GPC5: variants seen among roughly 807,000 people sequenced by gnomAD.
GPC5 encodes the protein glypican 5.
In GPC5, 47 loss-of-function variants were observed where a neutral mutation model predicts 53.9. That is an observed-to-expected ratio of 0.87 (90% CI 0.69 to 1.11). The LOEUF is 1.11. GPC5 is among the 50% of genes most tolerant of loss of function. GPC5 has a pLI of 0.00. For synonymous variants in GPC5, 286 were observed against 263.3 expected, an observed-to-expected ratio of 1.09 and a Z score of -0.84; for missense variants, 748 against 713.1, an observed-to-expected ratio of 1.05 and a Z score of -0.56.
chr13:92,580,873 G>T (rs1883347276), intron 7 of GPC5, among the ~76,000 whole-genome samples: 1 of 152,164 alleles, frequency 6.6e-6, no homozygotes. Flanking sequence ...CATGTGATAT[G>T]AGTGAGGACA....
chr13:92,444,632 C>T (rs1447619031), intron 7 of GPC5, among the ~76,000 whole-genome samples: 4 of 141,476 alleles, frequency 2.8e-5, no homozygotes, highest in African/African-American at 5.3e-5. Context: ...GTATTGCATA[C>T]GGAAAACCTA....
chr13:92,451,781 C>T (rs1878069768), intron 7 of GPC5, among the ~76,000 whole-genome samples: 1 of 152,122 alleles, frequency 6.6e-6, no homozygotes, highest in South Asian at 2.1e-4. Flanking sequence ...AGAATTGCTG[C>T]AAAATTGTCA....
At chr13:92,180,378 CACA>C (rs918103901) in intron 7 of GPC5, among the ~76,000 whole-genome samples, 106 of 152,132 alleles carry the variant, frequency 7.0e-4, no homozygotes, top group African/African-American at 2.3e-3. Context: ...AATAAGATAT[CACA>C]ACAACAATTT....
chr13:92,087,429 G>A (rs1203832457), intron 6 of GPC5, among the ~76,000 whole-genome samples: 1 of 152,086 alleles, frequency 6.6e-6, no homozygotes, highest in African/African-American at 2.4e-5. Context: ...TATCATCTAA[G>A]TGGATTAGTT....
At chr13:92,787,674 A>AAAAAAAAG (rs1876293414) in intron 7 of GPC5, among the ~76,000 whole-genome samples, 2 of 149,400 alleles carry the variant, frequency 1.3e-5, no homozygotes, top group African/African-American at 4.9e-5. Flanking sequence ...CTACAAAAAA[A>AAAAAAAAG]AAAAAAAAAG....
In GPC5 at chr13:92,283,639, A is replaced by G. The variant is rs558477131; in HGVS notation, c.1561+138650A>G. 2.4e-3 allele frequency among the ~76,000 whole-genome samples: 363 copies of G among 152,354 alleles called. 4 individuals are homozygous for G. The highest frequency in any genetic ancestry group is 8.5e-3 in the African/African-American group (352 of 41,588). On this transcript the variant is annotated intron_variant, in intron 7 of 7. Coordinates refer to ENST00000377067, the MANE Select transcript of GPC5 (RefSeq NM_004466.6). ...AAACTGAACAACCTGCTCCTGAATG[A>G]CTACTGGGTACATAACAAAATGAAG...
At chr13:92,375,726 G>A (rs1489097027) in intron 7 of GPC5, among the ~76,000 whole-genome samples, 1 of 152,202 alleles carries the variant, frequency 6.6e-6, no homozygotes, top group Non-Finnish European at 1.5e-5. Context: ...GGCTGAAGCT[G>A]TTGTTCATAG....
chr13:92,297,231 C>T (rs529751215), intron 7 of GPC5, among the ~76,000 whole-genome samples: 13 of 152,270 alleles, frequency 8.5e-5, no homozygotes, highest in African/African-American at 2.6e-4. Context: ...GTGCACCAAT[C>T]GACACTCTGT....
intron 1 of GPC5, among the ~76,000 whole-genome samples, chr13:91,440,732 G>A (rs1351450009): frequency 6.6e-6 from 1 of 152,166 alleles, no homozygotes; most frequent in African/African-American, 2.4e-5. Context: ...GTTTTGATAT[G>A]TTTGTCTTAG....
At chr13:92,078,824 A>G (rs753219894) in intron 6 of GPC5, among the ~76,000 whole-genome samples, 2 of 152,058 alleles carry the variant, frequency 1.3e-5, no homozygotes, top group Admixed American at 6.6e-5. Flanking sequence ...TTAAAACTAC[A>G]CTATCTCCGT....
intron 7 of GPC5, among the ~76,000 whole-genome samples, chr13:92,536,756 T>C (rs150867846): frequency 0.01 from 1,552 of 152,158 alleles, 26 homozygotes; most frequent in African/African-American, 0.036. Flanking sequence ...ACAAAGTCTT[T>C]TGGTATAAAT....
intron 7 of GPC5, among the ~76,000 whole-genome samples, chr13:92,432,521 C>T (rs995502287): frequency 6.6e-6 from 1 of 150,708 alleles, no homozygotes; most frequent in African/African-American, 2.4e-5. Flanking sequence ...ATCACAGGCA[C>T]CCACCACCAC....
intron 5 of GPC5, among the ~76,000 whole-genome samples, chr13:91,773,734 C>A (rs1342857202): frequency 6.6e-6 from 1 of 152,110 alleles, no homozygotes; most frequent in East Asian, 1.9e-4. Context: ...GAGGACTAAG[C>A]AGCTAATTAG....
intron 6 of GPC5, among the ~76,000 whole-genome samples, chr13:92,072,609 T>A (rs2041222368): frequency 6.8e-6 from 1 of 147,586 alleles, no homozygotes; most frequent in East Asian, 2.0e-4. Flanking sequence ...AGTCTTACCC[T>A]CTTGCCCAGG....
intron 2 of GPC5, among the ~76,000 whole-genome samples, chr13:91,514,504 A>G (rs1180430494): frequency 6.6e-6 from 1 of 152,092 alleles, no homozygotes; most frequent in Non-Finnish European, 1.5e-5. Context: ...TTTGCTATCA[A>G]GTTTTGAAAG....
At chr13:92,381,962 G>GTATGTATGTATGTATCTATC (rs1555331686) in intron 7 of GPC5, among the ~76,000 whole-genome samples, 2 of 126,290 alleles carry the variant, frequency 1.6e-5, no homozygotes, top group African/African-American at 5.6e-5. Flanking sequence ...ATGTATGTAT[G>GTATGTATGTATGTATCTATC]TATCTATCTA....
chr13:92,432,710 GT>G (rs1325865804), intron 7 of GPC5, among the ~76,000 whole-genome samples: 1 of 151,788 alleles, frequency 6.6e-6, no homozygotes, highest in East Asian at 1.9e-4. Flanking sequence ...GCAACCTAGT[GT>G]TTACTTTTTT....
intron 7 of GPC5, among the ~76,000 whole-genome samples, chr13:92,251,348 T>C (rs1271857516): frequency 1.3e-5 from 2 of 151,910 alleles, no homozygotes; most frequent in Non-Finnish European, 2.9e-5. Flanking sequence ...AAATTACCAG[T>C]GTAAGGTGGC....
At chr13:91,615,337 T>C (rs1566554757) in intron 2 of GPC5, among the ~76,000 whole-genome samples, 1 of 152,178 alleles carries the variant, frequency 6.6e-6, no homozygotes, top group Non-Finnish European at 1.5e-5. Flanking sequence ...GGAGGGAAGA[T>C]AGGGAAAGGT....
Sources: gnomAD v4.1 joint callset for allele counts (sites outside exome capture counted in the v4.1 genomes callset) on GRCh38, gnomAD v4.1.1 for gene constraint, MANE v1.5 for transcripts, NCBI Gene and HGNC (gene_info 2026-07-23, HGNC 2026-07-21) for gene names.